The following MARCHF1 variants were observed in gnomAD, a reference collection of about 807,000 sequenced individuals.
MARCHF1 encodes membrane associated ring-CH-type finger 1, also known as E3 ubiquitin-protein ligase MARCHF1.
In MARCHF1, 40 loss-of-function variants were observed where a neutral mutation model predicts 54.2. The ratio of observed to expected loss-of-function variants is 0.74; its 90% CI spans 0.57 to 0.96. MARCHF1 has a LOEUF of 0.96. Among genes scored for constraint, MARCHF1 ranks in the 40% least tolerant of loss-of-function variants. The pLI is 0.00. For missense variants in MARCHF1, 586 were observed against 656.5 expected (o/e 0.89, Z 1.17); for synonymous variants, 236 against 236.3 (o/e 1.00, Z 0.01).
chr4:164,374,148 G>A (rs975303891), intron 1 of MARCHF1, among the ~76,000 whole-genome samples: 12 of 152,000 alleles, frequency 7.9e-5, no homozygotes, highest in African/African-American at 1.9e-4. Context: ...GATTATTTTC[G>A]CATCATTTTT....
At chr4:164,379,247 G>A (rs144225721) in intron 1 of MARCHF1, among the ~76,000 whole-genome samples, 8 of 152,178 alleles carry the variant, frequency 5.3e-5, no homozygotes, top group African/African-American at 1.7e-4. Context: ...AATAACCTGT[G>A]GATGAGCAGT....
At chr4:163,651,239 CTG>C (rs1304951179) in intron 5 of MARCHF1, among the ~76,000 whole-genome samples, 1 of 151,896 alleles carries the variant, frequency 6.6e-6, no homozygotes, top group Non-Finnish European at 1.5e-5. Flanking sequence ...GTTTGCTAGT[CTG>C]TGTACTTACA....
At chr4:163,607,844 A>C (rs1159933325) in intron 7 of MARCHF1, among the ~76,000 whole-genome samples, 2 of 152,204 alleles carry the variant, frequency 1.3e-5, no homozygotes, top group Non-Finnish European at 2.9e-5. Context: ...ACCCCAGAGC[A>C]AGGGCATCAG....
chr4:163,980,041 A>G (rs1353644919), intron 3 of MARCHF1, among the ~76,000 whole-genome samples: 1 of 151,320 alleles, frequency 6.6e-6, no homozygotes, highest in African/African-American at 2.4e-5. Flanking sequence ...GGAACCAAAA[A>G]AGAGCCCGCA....
intron 8 of MARCHF1, among the ~76,000 whole-genome samples, chr4:163,574,656 T>C (rs369443224): frequency 2.2e-4 from 33 of 151,338 alleles, no homozygotes; most frequent in African/African-American, 8.1e-4. Flanking sequence ...AGGGCTCTGT[T>C]CTGTTCCATT....
chr4:163,743,843 A>C (rs1036187365), intron 4 of MARCHF1, among the ~76,000 whole-genome samples: 1 of 152,184 alleles, frequency 6.6e-6, no homozygotes, highest in South Asian at 2.1e-4. Flanking sequence ...TGAAATTAGT[A>C]ATCTTTCTTA....
chr4:163,848,256 T>C (rs1290732500), intron 4 of MARCHF1, among the ~76,000 whole-genome samples: 2 of 152,188 alleles, frequency 1.3e-5, no homozygotes, highest in African/African-American at 4.8e-5. Context: ...TCCTGGAATA[T>C]AATACACAGG....
At chr4:164,068,616 C>T (rs1387017346) in intron 2 of MARCHF1, among the ~76,000 whole-genome samples, 11 of 152,190 alleles carry the variant, frequency 7.2e-5, no homozygotes, top group African/African-American at 2.7e-4. Flanking sequence ...GACCTGCAAC[C>T]TGCCATGCCT....
rs555075158 is a variant in MARCHF1 at position 164,354,227 on chromosome 4, A to G, written c.-323+29643T>C. On this transcript the variant is annotated intron_variant, in intron 1 of 9. Coordinates refer to ENST00000514618, the MANE Select transcript of MARCHF1 (RefSeq NM_001394959.1). ...CATTCGTTCTGAAACTATTCCAATC[A>G]ATAGAAAGAGAGGGAACCCTCCCTA... is the stretch of plus-strand genomic sequence containing the variant. 8.8e-5 allele frequency among the ~76,000 whole-genome samples: 11 copies of G among 124,842 alleles called. No homozygotes were observed. In the South Asian group the frequency reaches 2.5e-3, roughly 28 times the overall value. The allele number at this position is 124,842 out of a possible 152,430, so 81.9% of individuals were successfully genotyped here. A position where few individuals can be genotyped will look rare whatever the true frequency, so the allele number is the denominator to read the frequency against.
intron 5 of MARCHF1, among the ~76,000 whole-genome samples, chr4:163,694,110 T>C (rs1238577335): frequency 6.6e-6 from 1 of 152,208 alleles, no homozygotes; most frequent in Non-Finnish European, 1.5e-5. Context: ...CTAATCAATG[T>C]CTTTTAAGTT....
intron 4 of MARCHF1, among the ~76,000 whole-genome samples, chr4:163,717,563 A>G (rs28799690): frequency 0.024 from 3,717 of 152,176 alleles, 22 homozygotes; most frequent in African/African-American, 0.084. Flanking sequence ...ATCCTTGAGG[A>G]ATCGCCACAC....
At chr4:164,037,029 G>C (rs1754020170) in intron 2 of MARCHF1, among the ~76,000 whole-genome samples, 1 of 152,076 alleles carries the variant, frequency 6.6e-6, no homozygotes, top group Non-Finnish European at 1.5e-5. Context: ...ATTTAATATG[G>C]GGGGAATAAG....
intron 2 of MARCHF1, among the ~76,000 whole-genome samples, chr4:164,005,123 A>G (rs1241567387): frequency 6.6e-6 from 1 of 152,074 alleles, no homozygotes; most frequent in African/African-American, 2.4e-5. Flanking sequence ...GATAAGAGGA[A>G]ACATTACTAT....
At chr4:163,915,192 T>A (rs562864364) in intron 3 of MARCHF1, among the ~76,000 whole-genome samples, 84 of 152,232 alleles carry the variant, frequency 5.5e-4, no homozygotes, top group African/African-American at 1.8e-3. Flanking sequence ...AAGGAAATTT[T>A]AAAAAATCTT....
At position 164,159,675 on chromosome 4, in the gene MARCHF1, C is replaced by T. The variant is rs984408762; in HGVS notation, c.-322-48013G>A. 6.6e-5 allele frequency among the ~76,000 whole-genome samples: 10 copies of T among 151,818 alleles called. No individual in the cohort carries two copies. In the South Asian group the frequency reaches 8.3e-4, roughly 13 times the overall value. ...TGATACTTGTAAATTTGTGCAGAAA[C>T]GTTTTTAATATCAGTGTAAAGGAGC... is the stretch of plus-strand genomic sequence containing the variant. On this transcript the variant is annotated intron_variant, in intron 1 of 9. Transcript: ENST00000514618.
intron 4 of MARCHF1, among the ~76,000 whole-genome samples, chr4:163,850,173 ATCTT>A (rs1452904911): frequency 6.6e-6 from 1 of 152,166 alleles, no homozygotes; most frequent in Non-Finnish European, 1.5e-5. Flanking sequence ...TTGCTGAACT[ATCTT>A]TATTGCACCA....
chr4:164,046,783 C>T (rs566383796), intron 2 of MARCHF1, among the ~76,000 whole-genome samples: 3 of 151,968 alleles, frequency 2.0e-5, no homozygotes, highest in African/African-American at 4.8e-5. Flanking sequence ...AATATGATCA[C>T]CTAGGACAAG....
At chr4:164,132,204 C>G (rs563602912) in intron 1 of MARCHF1, among the ~76,000 whole-genome samples, 1 of 152,102 alleles carries the variant, frequency 6.6e-6, no homozygotes, top group African/African-American at 2.4e-5. Context: ...CCTCTTTCTT[C>G]GTTTCACGAG....
chr4:163,805,456 C>G (rs998521532), intron 4 of MARCHF1, among the ~76,000 whole-genome samples: 3 of 151,842 alleles, frequency 2.0e-5, no homozygotes, highest in Non-Finnish European at 4.4e-5. Flanking sequence ...ACTTTAAACT[C>G]AAAACCAAAA....
Sources: allele counts gnomAD v4.1 joint callset (sites outside exome capture counted in the v4.1 genomes callset), GRCh38; gene constraint gnomAD v4.1.1; transcripts MANE v1.5; gene names NCBI Gene and HGNC (gene_info 2026-07-23, HGNC 2026-07-21).